Variants in HEPACAM2 observed in about 807,000 individuals in gnomAD.
HEPACAM2 encodes the protein mitotic kinetics regulator.
HEPACAM2 carries 49 observed loss-of-function variants against 49.6 expected under a neutral mutation model. That is an observed-to-expected ratio of 0.99 (90% confidence interval 0.78 to 1.25). The LOEUF is 1.25. HEPACAM2 is among the 50% of genes most tolerant of loss of function. HEPACAM2 has a pLI of 0.00. For synonymous variants in HEPACAM2, 197 were observed against 202.9 expected, an observed-to-expected ratio of 0.97 and a Z score of 0.25; for missense variants, 525 against 557.2, an observed-to-expected ratio of 0.94 and a Z score of 0.58.
chr7:93,213,699 G>A (rs1289714069), intron 3 of HEPACAM2, among the ~76,000 whole-genome samples: 7 of 152,004 alleles, frequency 4.6e-5, no homozygotes, highest in African/African-American at 1.7e-4. Context: ...TTTGGGTTTG[G>A]GGTGTTCACA....
chr7:93,201,855 G>A (rs1020608635), intron 4 of HEPACAM2, among the ~76,000 whole-genome samples: 7 of 151,776 alleles, frequency 4.6e-5, no homozygotes, highest in Non-Finnish European at 1.5e-5. Flanking sequence ...TTACATAACT[G>A]GATTCCAGAT....
At chr7:93,204,914 A>G (rs975337900) in intron 4 of HEPACAM2, among the ~76,000 whole-genome samples, 1 of 152,128 alleles carries the variant, frequency 6.6e-6, no homozygotes, top group African/African-American at 2.4e-5. Flanking sequence ...AGCCTGGCCA[A>G]CATGGTGAAA....
chr7:93,188,706 G>GA lies in HEPACAM2; in HGVS notation c.*560dup, dbSNP rs1314393031. 23 of 249,478 alleles carry GA rather than the reference G, an allele frequency of 9.2e-5. No individual in the cohort carries two copies. The highest frequency in any genetic ancestry group is 1.5e-4 in the East Asian group (2 of 13,516). The allele number at this position is 249,478 out of a possible 1,614,324, so 15.5% of individuals were successfully genotyped here. ...CTTCTCAAAAATACTACTGGTGATT[G>GA]AAAAAAAAGAGAAGGCATAGTTTTG... On this transcript the variant is annotated 3_prime_UTR_variant, in exon 10 of 10. Coordinates refer to ENST00000394468, the MANE Select transcript of HEPACAM2 (RefSeq NM_001039372.4).
intron 1 of HEPACAM2, among the ~76,000 whole-genome samples, chr7:93,223,716 G>A (rs958113131): frequency 6.6e-6 from 1 of 152,106 alleles, no homozygotes; most frequent in African/African-American, 2.4e-5. Flanking sequence ...CTTAGAGATT[G>A]CCTATACAAT....
intron 3 of HEPACAM2, among the ~76,000 whole-genome samples, chr7:93,210,706 G>A (rs1454099166): frequency 6.6e-6 from 1 of 151,772 alleles, no homozygotes; most frequent in Non-Finnish European, 1.5e-5. Flanking sequence ...CTCAGTAATG[G>A]CCTAATCTTA....
intron 4 of HEPACAM2, among the ~76,000 whole-genome samples, chr7:93,199,275 C>A (rs1793818141): frequency 6.6e-6 from 1 of 152,066 alleles, no homozygotes; most frequent in South Asian, 2.1e-4. Context: ...AAATGCAAGG[C>A]AGCTTCAAAT....
At chr7:93,228,168 AAG>A (rs1681373996), upstream of HEPACAM2, among the ~76,000 whole-genome samples, 1 of 152,256 alleles carries the variant, frequency 6.6e-6, no homozygotes, top group Middle Eastern at 3.4e-3. Flanking sequence ...CCCTGGCAAA[AAG>A]AGAAATAAAG....
At position 93,199,482 on chromosome 7, in the gene HEPACAM2, C is replaced by T. The variant is rs532621350; in HGVS notation, c.1013-1872G>A. 1.8e-3 allele frequency among the ~76,000 whole-genome samples: 279 copies of T among 152,158 alleles called. 2 individuals are homozygous for T. Among genetic ancestry groups the T allele is most frequent in the Non-Finnish European group, 3.2e-3 (218 of 67,956 alleles). On this transcript the variant is annotated intron_variant, in intron 4 of 9. Transcript: ENST00000394468. ...TTAGCCTTTTCTCAGATATTATTCT[C>T]TTGTGGGATTGTTCTCTCTAAAGAG...
At chr7:93,216,273 C>T (rs1361745451) in intron 2 of HEPACAM2, among the ~76,000 whole-genome samples, 1 of 152,142 alleles carries the variant, frequency 6.6e-6, no homozygotes. Context: ...TGTGTTGTAA[C>T]ATTATGTTAG....
At chr7:93,217,552 C>G (rs1211547196) in intron 2 of HEPACAM2, among the ~76,000 whole-genome samples, 3 of 152,120 alleles carry the variant, frequency 2.0e-5, no homozygotes, top group Non-Finnish European at 2.9e-5. Context: ...CAGTTGCTCT[C>G]TAGGCATTTG....
chr7:93,196,447 C>A (rs1209003341), intron 7 of HEPACAM2, among the ~76,000 whole-genome samples: 2 of 152,088 alleles, frequency 1.3e-5, no homozygotes, highest in African/African-American at 2.4e-5. Flanking sequence ...AACCAGATAG[C>A]CTCTGGGGCC....
At chr7:93,190,406 A>G (rs1297793114) in intron 9 of HEPACAM2, among the ~76,000 whole-genome samples, 1 of 151,942 alleles carries the variant, frequency 6.6e-6, no homozygotes, top group Middle Eastern at 3.2e-3. Context: ...GAGGGATTCA[A>G]AGGATGAAGG....
rs565989810 is a variant in HEPACAM2 at position 93,199,573 on chromosome 7, G to A, written c.1013-1963C>T. ...GATTTTCACATTAGTATAATGAGGA[G>A]GCAAGAGTGAAAGAGTGACTGGCAT... On this transcript the variant is annotated intron_variant, in intron 4 of 9. Transcript: ENST00000394468. Among the ~76,000 whole-genome samples, 15 of 152,134 alleles carry A rather than the reference G, an allele frequency of 9.9e-5. No homozygotes were observed. The South Asian group carries it at 3.1e-3, about 32-fold the overall frequency.
At chr7:93,205,539 A>G (rs1031297029) in intron 4 of HEPACAM2, 1 of 152,144 alleles carries the variant, frequency 6.6e-6, no homozygotes, top group Non-Finnish European at 1.5e-5. Flanking sequence ...CCAAACACCA[A>G]TTTGGTTCTG....
intron 2 of HEPACAM2, 140 bp from the exon 3 acceptor site, chr7:93,215,825 C>A: frequency 1.3e-6 from 1 of 776,138 alleles, no homozygotes; most frequent in Non-Finnish European, 2.0e-6. Flanking sequence ...CAGGTAATAA[C>A]TAAAGAAGAG....
chr7:93,220,726 C>G (rs1254675923), intron 1 of HEPACAM2, among the ~76,000 whole-genome samples: 1 of 152,188 alleles, frequency 6.6e-6, no homozygotes, highest in Non-Finnish European at 1.5e-5. Flanking sequence ...GCATTCACTG[C>G]TGTATCTTCA....
the HEPACAM2 span, among the ~76,000 whole-genome samples, chr7:93,232,127 G>T: frequency 6.6e-6 from 1 of 152,170 alleles, no homozygotes; most frequent in African/African-American, 2.4e-5. Context: ...TTAGGTTTCC[G>T]TCTCGCCGAA....
chr7:93,226,673 A>G (rs1219487508), upstream of HEPACAM2: 4 of 388,580 alleles, frequency 1.0e-5, no homozygotes, highest in East Asian at 7.4e-5. Flanking sequence ...ACTACCAGTA[A>G]TTGTCTATAT....
rs200991119 is a variant in HEPACAM2 at position 93,226,372 on chromosome 7, G to A, written c.75C>T (p.Leu25=). 4.3e-6 allele frequency: 7 copies of A among 1,609,534 alleles called. No individual in the cohort carries two copies. The highest frequency in any genetic ancestry group is 5.1e-6 in the Non-Finnish European group (6 of 1,176,790). ...ACAATTCACACAGGGCCTTACCGAA[G>A]AGAAGGAGGTATATTTTGCACTGAA... ...GVFQCKIYLL[L]FGACSGLKVT... Residue 25 remains leucine (L), a synonymous_variant, in exon 1 of 10, where the codon CTC becomes CTT. Coordinates refer to ENST00000394468, the MANE Select transcript of HEPACAM2 (RefSeq NM_001039372.4).
Sources: allele counts gnomAD v4.1 joint callset (sites outside exome capture counted in the v4.1 genomes callset), GRCh38; gene constraint gnomAD v4.1.1; transcripts MANE v1.5; gene names NCBI Gene and HGNC (gene_info 2026-07-23, HGNC 2026-07-21).